Variants in VPS13B observed in about 807,000 individuals in gnomAD.
VPS13B encodes the protein intermembrane lipid transfer protein VPS13B.
VPS13B carries 285 observed loss-of-function variants against 426.4 expected under a neutral mutation model. The ratio of observed to expected loss-of-function variants is 0.67; its 90% CI spans 0.61 to 0.74. VPS13B has a LOEUF of 0.74. Ranked by LOEUF, VPS13B falls within the 30% of genes least tolerant of loss-of-function variation. The pLI is 0.00. For missense variants in VPS13B, 4,537 were observed against 4,782.6 expected (o/e 0.95, Z 1.51); for synonymous variants, 1,676 against 1,676.4 (o/e 1.00, Z 0.01).
intron 33 of VPS13B, among the ~76,000 whole-genome samples, chr8:99,618,625 C>T (rs1359648062): frequency 1.3e-5 from 2 of 152,198 alleles, no homozygotes; most frequent in African/African-American, 2.4e-5. Context: ...TGAGCAACCT[C>T]AGAAAACTGC....
intron 54 of VPS13B, among the ~76,000 whole-genome samples, chr8:99,839,561 G>C (rs1815570624): frequency 6.6e-6 from 1 of 152,214 alleles, no homozygotes; most frequent in African/African-American, 2.4e-5. Context: ...AGAGTAATCA[G>C]CTAGGTGACT....
rs1023505190 is a variant in VPS13B, at chr8:99,368,356, T to C, written c.2825-15852T>C. On this transcript the variant is annotated intron_variant, in intron 19 of 61. Coordinates refer to ENST00000357162, the MANE Select transcript of VPS13B (RefSeq NM_152564.5). ...CCAACACACACACAATGTTAGCTTATGTATTTTAAATGCTTCTCAATGTGT... is the reference window on the plus strand; with the variant it reads ...CCAACACACACACAATGTTAGCTTACGTATTTTAAATGCTTCTCAATGTGT... Among the ~76,000 whole-genome samples, 7 of 152,354 alleles carry C rather than the reference T, an allele frequency of 4.6e-5. No individual in the cohort carries two copies. In the East Asian group the frequency reaches 5.8e-4, roughly 13 times the overall value.
chr8:99,768,820 A>T (rs1811350859), intron 40 of VPS13B, among the ~76,000 whole-genome samples: 2 of 152,220 alleles, frequency 1.3e-5, no homozygotes, highest in South Asian at 4.1e-4. Flanking sequence ...ATGGATGGAA[A>T]GATTGCTTTT....
intron 54 of VPS13B, among the ~76,000 whole-genome samples, chr8:99,840,944 G>A (rs1469287471): frequency 6.6e-6 from 1 of 152,202 alleles, no homozygotes; most frequent in Non-Finnish European, 1.5e-5. Context: ...CAGTACTCCA[G>A]GGCACAGTCG....
intron 19 of VPS13B, among the ~76,000 whole-genome samples, chr8:99,348,668 A>C (rs896648769): frequency 2.6e-5 from 4 of 152,192 alleles, no homozygotes; most frequent in Non-Finnish European, 5.9e-5. Flanking sequence ...TGGTCATATC[A>C]TTTTATCTTC....
At chr8:99,595,339 G>T (rs1826954099) in intron 33 of VPS13B, among the ~76,000 whole-genome samples, 1 of 151,880 alleles carries the variant, frequency 6.6e-6, no homozygotes, top group Non-Finnish European at 1.5e-5. Context: ...ATAGTCAATT[G>T]ATTTTTGACA....
intron 2 of VPS13B, 48 bp downstream of exon 2, chr8:99,013,983 A>G (rs1452961090): frequency 2.5e-6 from 4 of 1,613,196 alleles, no homozygotes; most frequent in Non-Finnish European, 3.4e-6. Flanking sequence ...CAGCTTGTTT[A>G]GACGGTAATC....
intron 17 of VPS13B, among the ~76,000 whole-genome samples, chr8:99,253,224 T>G (rs1007276864): frequency 6.6e-6 from 1 of 152,200 alleles, no homozygotes. Flanking sequence ...TACATTTTGT[T>G]TCTCCATTCA....
chr8:99,036,256 A>T (rs1045620954), intron 2 of VPS13B, among the ~76,000 whole-genome samples: 6 of 152,036 alleles, frequency 3.9e-5, no homozygotes, highest in Non-Finnish European at 8.8e-5. Flanking sequence ...GATTTTTGAG[A>T]TATATTCAAC....
At chr8:99,063,793 G>T (rs565479565) in intron 3 of VPS13B, among the ~76,000 whole-genome samples, 1 of 152,298 alleles carries the variant, frequency 6.6e-6, no homozygotes. Context: ...CCCCTGTGTA[G>T]CCTAACTGGG....
intron 19 of VPS13B, among the ~76,000 whole-genome samples, chr8:99,282,399 C>A (rs996314498): frequency 6.6e-6 from 1 of 152,122 alleles, no homozygotes; most frequent in Admixed American, 6.5e-5. Flanking sequence ...TAGGGAACTT[C>A]TATTCAGTTG....
chr8:99,703,213 G>A (rs540054494), intron 36 of VPS13B, among the ~76,000 whole-genome samples: 3 of 152,036 alleles, frequency 2.0e-5, no homozygotes, highest in South Asian at 4.1e-4. Context: ...GGAATGAAAC[G>A]AAATGGTTAA....
intron 33 of VPS13B, among the ~76,000 whole-genome samples, chr8:99,632,505 G>C (rs1014481066): frequency 3.3e-5 from 5 of 152,052 alleles, no homozygotes; most frequent in African/African-American, 1.2e-4. Context: ...GCTGACCAGA[G>C]ATATTGTTAG....
intron 14 of VPS13B, among the ~76,000 whole-genome samples, chr8:99,150,910 T>C (rs942448260): frequency 3.5e-4 from 54 of 152,320 alleles, no homozygotes; most frequent in African/African-American, 1.2e-3. Flanking sequence ...GGAGTGTGAT[T>C]GATGGATTGT....
Position 99,435,160 on chromosome 8 carries a change from C to G in VPS13B, c.3210+3496C>G, listed in dbSNP as rs1015649487. On this transcript the variant is annotated intron_variant, in intron 22 of 61. Transcript: ENST00000357162. ...GGTTTGTGATGAATTTAGATATTAT[C>G]CTAGGTAAGTATTTATTGCTTTGTA... Among the ~76,000 whole-genome samples, 6 of 151,970 alleles carry G rather than the reference C, an allele frequency of 3.9e-5. No homozygotes were observed. The South Asian group carries it at 6.2e-4, about 16-fold the overall frequency.
At chr8:99,714,480 A>G (rs1018783489) in intron 36 of VPS13B, among the ~76,000 whole-genome samples, 6 of 152,152 alleles carry the variant, frequency 3.9e-5, no homozygotes, top group African/African-American at 1.4e-4. Context: ...GTGGGTGAAA[A>G]TTTGAAGAAA....
chr8:99,642,863 AAAAG>A (rs1378548688), intron 34 of VPS13B, among the ~76,000 whole-genome samples: 1 of 152,186 alleles, frequency 6.6e-6, no homozygotes, highest in Non-Finnish European at 1.5e-5. Context: ...TTCAGATTAA[AAAAG>A]AAAAGCCTTA....
intron 23 of VPS13B, among the ~76,000 whole-genome samples, chr8:99,452,971 C>G (rs2133466508): frequency 6.6e-6 from 1 of 152,316 alleles, no homozygotes; most frequent in East Asian, 1.9e-4. Context: ...GATTTCTACA[C>G]TGTGCCTAAG....
At chr8:99,093,691 C>G (rs1846279935) in intron 3 of VPS13B, among the ~76,000 whole-genome samples, 1 of 151,946 alleles carries the variant, frequency 6.6e-6, no homozygotes, top group Admixed American at 6.6e-5. Context: ...CATCCATGTC[C>G]CTACAAAGGA....
Sources: allele counts gnomAD v4.1 joint callset (sites outside exome capture counted in the v4.1 genomes callset), GRCh38; gene constraint gnomAD v4.1.1; transcripts MANE v1.5; gene names NCBI Gene and HGNC (gene_info 2026-07-23, HGNC 2026-07-21).